Variants in SH3RF3 observed in about 807,000 individuals in gnomAD.
SH3RF3 encodes the protein SH3 domain containing ring finger 3, also known as E3 ubiquitin-protein ligase SH3RF3.
A neutral mutation model predicts 66.3 loss-of-function variants in SH3RF3; 29 were observed. The ratio of observed to expected loss-of-function variants is 0.44; its 90% CI spans 0.33 to 0.60. The LOEUF (loss-of-function observed/expected upper bound fraction) is 0.60. SH3RF3 is among the 20% of genes least tolerant of loss of function. The probability of loss-of-function intolerance (pLI) is 0.04; values close to 1 mark genes in which losing one functional copy is unlikely to be tolerated. For synonymous variants in SH3RF3, 583 were observed against 532.0 expected, an observed-to-expected ratio of 1.10 and a Z score of -1.32; for missense variants, 1,194 against 1,190.9, an observed-to-expected ratio of 1.00 and a Z score of -0.04.
chr2:109,367,023 G>T (rs1021689316), intron 2 of SH3RF3, among the ~76,000 whole-genome samples: 1 of 150,956 alleles, frequency 6.6e-6, no homozygotes, highest in African/African-American at 2.4e-5. Flanking sequence ...GCATGATCTT[G>T]GTTCACTGCA....
chr2:109,129,313 G>C lies in SH3RF3; in HGVS notation c.-228G>C. 1.3e-6 allele frequency: 1 copy of C among 752,752 alleles called. No individual in the cohort carries two copies. Among genetic ancestry groups the C allele is most frequent in the South Asian group, 1.6e-5 (1 of 63,486 alleles). 46.6% of individuals were successfully genotyped at this position (752,752 alleles called of 1,614,324 possible). A position where few individuals can be genotyped will look rare whatever the true frequency, so the allele number is the denominator to read the frequency against. On this transcript the variant is annotated 5_prime_UTR_variant, in exon 1 of 10. Coordinates refer to ENST00000309415, the MANE Select transcript of SH3RF3 (RefSeq NM_001099289.3). ...AGCCGCAGGCGCTGCGCTCAGGACT[G>C]GGCGGGCTCGGCTGGCCGGTCCCCG...
At chr2:109,183,427 T>C (rs1182853523) in intron 1 of SH3RF3, among the ~76,000 whole-genome samples, 1 of 152,156 alleles carries the variant, frequency 6.6e-6, no homozygotes, top group African/African-American at 2.4e-5. Context: ...ACCTTATATC[T>C]AGATGCATAT....
chr2:109,420,680 C>T (rs1383178043), intron 5 of SH3RF3, among the ~76,000 whole-genome samples: 1 of 152,132 alleles, frequency 6.6e-6, no homozygotes, highest in Admixed American at 6.5e-5. Flanking sequence ...CTCCTGATCT[C>T]GTGATCCGCC....
chr2:109,288,114 A>G (rs1162816124), intron 1 of SH3RF3, among the ~76,000 whole-genome samples: 4 of 152,234 alleles, frequency 2.6e-5, no homozygotes, highest in Non-Finnish European at 5.9e-5. Flanking sequence ...TTTGCCCACA[A>G]GACAAGGCTA....
chr2:109,499,830 C>G (rs1679344165), intron 9 of SH3RF3, among the ~76,000 whole-genome samples: 1 of 152,136 alleles, frequency 6.6e-6, no homozygotes, highest in Non-Finnish European at 1.5e-5. Flanking sequence ...AGTAGTCAGA[C>G]AGGTTTTAAT....
chr2:109,167,437 G>A (rs1677655470), intron 1 of SH3RF3, among the ~76,000 whole-genome samples: 1 of 152,174 alleles, frequency 6.6e-6, no homozygotes, highest in African/African-American at 2.4e-5. Context: ...GGCAAGGGGT[G>A]ATGATTGGTA....
At chr2:109,241,514 C>T (rs1679781537) in intron 1 of SH3RF3, among the ~76,000 whole-genome samples, 1 of 151,954 alleles carries the variant, frequency 6.6e-6, no homozygotes, top group South Asian at 2.1e-4. Flanking sequence ...ATTTTGTTGG[C>T]AGAAAATCAG....
chr2:109,480,028 A>G (rs1479310074), intron 8 of SH3RF3, among the ~76,000 whole-genome samples: 1 of 152,094 alleles, frequency 6.6e-6, no homozygotes, highest in Admixed American at 6.5e-5. Context: ...AGTGGTTTCA[A>G]CCCTGCTGTG....
intron 7 of SH3RF3, among the ~76,000 whole-genome samples, chr2:109,443,587 CAAAA>C (rs1677631087): frequency 6.6e-6 from 1 of 152,012 alleles, no homozygotes; most frequent in African/African-American, 2.4e-5. Context: ...TAATATTAAT[CAAAA>C]GAAAGCTGGA....
At chr2:109,403,496 C>A (rs1220833045) in intron 4 of SH3RF3, among the ~76,000 whole-genome samples, 1 of 152,254 alleles carries the variant, frequency 6.6e-6, no homozygotes, top group Non-Finnish European at 1.5e-5. Context: ...CCTTCCAGGG[C>A]CCCACTCTTG....
rs574661001 is a variant in SH3RF3 at position 109,150,247 on chromosome 2, A to G, written c.573+20134A>G. ...GAGGAAGAGTGTTCCAGCGGAGGGA[A>G]TGGCAAGCATGGAAGCCTAGGGTCC... is the stretch of plus-strand genomic sequence containing the variant. On this transcript the variant is annotated intron_variant, in intron 1 of 9. Transcript: ENST00000309415. Among the ~76,000 whole-genome samples, 12 of 152,154 alleles carry G rather than the reference A, an allele frequency of 7.9e-5. No individual in the cohort carries two copies. The East Asian group carries it at 2.3e-3, about 29-fold the overall frequency.
At chr2:109,384,723 G>A (rs1291071222) in intron 3 of SH3RF3, among the ~76,000 whole-genome samples, 3 of 152,168 alleles carry the variant, frequency 2.0e-5, no homozygotes, top group Non-Finnish European at 2.9e-5. Context: ...CTTTGATAGT[G>A]TAAAATGCAT....
At chr2:109,329,394 C>A (rs1574577024) in intron 1 of SH3RF3, among the ~76,000 whole-genome samples, 1 of 152,204 alleles carries the variant, frequency 6.6e-6, no homozygotes, top group Non-Finnish European at 1.5e-5. Context: ...ATCAAGTGGA[C>A]CTGCAGGTGG....
At chr2:109,239,493 A>T (rs548380893) in intron 1 of SH3RF3, among the ~76,000 whole-genome samples, 1 of 152,286 alleles carries the variant, frequency 6.6e-6, no homozygotes, top group South Asian at 2.1e-4. Context: ...ACGGACTACA[A>T]TATTCTGAAG....
intron 3 of SH3RF3, among the ~76,000 whole-genome samples, chr2:109,388,640 A>G (rs796170900): frequency 1.2e-4 from 19 of 152,358 alleles, no homozygotes; most frequent in African/African-American, 4.6e-4. Flanking sequence ...TCAAACACCT[A>G]TGCATGGAAT....
intron 1 of SH3RF3, among the ~76,000 whole-genome samples, chr2:109,320,983 A>G (rs1383633171): frequency 6.6e-6 from 1 of 152,248 alleles, no homozygotes; most frequent in African/African-American, 2.4e-5. Context: ...ATTAGATTGT[A>G]TGTAAGGCAT....
Position 109,291,282 on chromosome 2 carries a change from T to C in SH3RF3, c.574-56392T>C, listed in dbSNP as rs551912581. ...GAGAAAAAGAAACAGAGTAATCTCT[T>C]TTTTTTTTTTTTTTTGCATTATGCT... On this transcript the variant is annotated intron_variant, in intron 1 of 9. Transcript: ENST00000309415. Among the ~76,000 whole-genome samples, 53 of 60,060 alleles carry C rather than the reference T, an allele frequency of 8.8e-4. No individual in the cohort carries two copies. In the East Asian group the frequency reaches 0.026, roughly 30 times the overall value. 39.4% of individuals were successfully genotyped at this position (60,060 alleles called of 152,430 possible). A position where few individuals can be genotyped will look rare whatever the true frequency, so the allele number is the denominator to read the frequency against.
At chr2:109,173,951 G>A (rs193053360) in intron 1 of SH3RF3, among the ~76,000 whole-genome samples, 6 of 152,328 alleles carry the variant, frequency 3.9e-5, no homozygotes, top group Admixed American at 2.0e-4. Context: ...AGCAGATGTC[G>A]GGTTCAGGCT....
chr2:109,312,620 C>T (rs540232377), intron 1 of SH3RF3, among the ~76,000 whole-genome samples: 65 of 152,326 alleles, frequency 4.3e-4, no homozygotes, highest in African/African-American at 1.4e-3. Flanking sequence ...TAAGTGGAAT[C>T]ATCCGATACA....
Sources: gnomAD v4.1 joint callset for allele counts (sites outside exome capture counted in the v4.1 genomes callset) on GRCh38, gnomAD v4.1.1 for gene constraint, MANE v1.5 for transcripts, NCBI Gene and HGNC (gene_info 2026-07-23, HGNC 2026-07-21) for gene names.